IQCJ: variants seen among roughly 807,000 people sequenced by gnomAD.
IQCJ encodes the protein IQ motif containing J, also known as IQ domain-containing protein J.
In IQCJ, 9 loss-of-function variants were observed where a neutral mutation model predicts 11.0. The observed-to-expected ratio is 0.82, with a 90% CI of 0.49 to 1.43. The LOEUF (loss-of-function observed/expected upper bound fraction) is 1.43, where lower values mean the gene tolerates loss of function less well. IQCJ is among the 40% of genes most tolerant of loss of function. IQCJ has a pLI of 0.00. For missense variants in IQCJ, 146 were observed against 133.2 expected, an observed-to-expected ratio of 1.10 and a Z score of -0.47; for synonymous variants, 55 against 51.3, an observed-to-expected ratio of 1.07 and a Z score of -0.31.
At chr3:159,212,540 A>C (rs918007053) in intron 1 of IQCJ, among the ~76,000 whole-genome samples, 1 of 152,198 alleles carries the variant, frequency 6.6e-6, no homozygotes, top group East Asian at 1.9e-4. Flanking sequence ...CTTCCAGGCT[A>C]TCATGGGGCA....
At chr3:159,248,997 T>C (rs1727434653) in intron 2 of IQCJ, among the ~76,000 whole-genome samples, 1 of 151,916 alleles carries the variant, frequency 6.6e-6, no homozygotes, top group South Asian at 2.1e-4. Context: ...GCTGGGATTA[T>C]AGGTGCCTGC....
chr3:159,185,763 G>T (rs1210636534), intron 1 of IQCJ, among the ~76,000 whole-genome samples: 1 of 152,060 alleles, frequency 6.6e-6, no homozygotes, highest in Non-Finnish European at 1.5e-5. Flanking sequence ...CTTCATTTTT[G>T]TAGGCCTCTC....
intron 1 of IQCJ, among the ~76,000 whole-genome samples, chr3:159,158,706 T>C (rs779772398): frequency 6.6e-6 from 1 of 152,116 alleles, no homozygotes; most frequent in Admixed American, 6.5e-5. Context: ...AAAACCAGAG[T>C]AGAATTGGCA....
At chr3:159,208,521 C>T (rs1724779710) in intron 1 of IQCJ, among the ~76,000 whole-genome samples, 1 of 152,152 alleles carries the variant, frequency 6.6e-6, no homozygotes, top group African/African-American at 2.4e-5. Flanking sequence ...ATTTTTCAGC[C>T]CCTTTCCAGG....
chr3:159,085,104 T>A (rs1481723529), intron 1 of IQCJ, among the ~76,000 whole-genome samples: 4 of 151,830 alleles, frequency 2.6e-5, no homozygotes, highest in African/African-American at 9.7e-5. Flanking sequence ...AGTGTGATGT[T>A]CCCCTTCCTG....
intron 1 of IQCJ, among the ~76,000 whole-genome samples, chr3:159,165,788 A>ATTTTTTTTTT (rs35878681): frequency 3.8e-5 from 4 of 106,478 alleles, no homozygotes; most frequent in African/African-American, 1.1e-4. Flanking sequence ...TAATTTTTGT[A>ATTTTTTTTTT]TTTTTTTTTT....
intron 1 of IQCJ, among the ~76,000 whole-genome samples, chr3:159,143,851 G>A (rs1374325692): frequency 6.6e-6 from 1 of 152,134 alleles, no homozygotes; most frequent in Non-Finnish European, 1.5e-5. Flanking sequence ...TCATGGTTCT[G>A]GAGGCTACAA....
chr3:159,202,674 T>C (rs138782241), intron 1 of IQCJ, among the ~76,000 whole-genome samples: 345 of 152,312 alleles, frequency 2.3e-3, no homozygotes, highest in African/African-American at 7.9e-3. Context: ...TTTATGTATA[T>C]ATTTTTAGAG....
intron 1 of IQCJ, among the ~76,000 whole-genome samples, chr3:159,229,614 G>A (rs1438899832): frequency 2.7e-5 from 4 of 149,314 alleles, no homozygotes; most frequent in Non-Finnish European, 4.5e-5. Flanking sequence ...TCTTGCTTGT[G>A]GCCCTTTTTT....
chr3:159,155,832 A>C (rs1015140813), intron 1 of IQCJ, among the ~76,000 whole-genome samples: 4 of 152,218 alleles, frequency 2.6e-5, no homozygotes, highest in African/African-American at 9.6e-5. Context: ...GCAATCCTGG[A>C]CTTGTGGCTT....
At chr3:159,240,894 C>T (rs557184939) in intron 1 of IQCJ, among the ~76,000 whole-genome samples, 4 of 152,162 alleles carry the variant, frequency 2.6e-5, no homozygotes, top group East Asian at 1.9e-4. Flanking sequence ...CACCCGGCCC[C>T]GTCAGTGTTC....
chr3:159,084,061 C>G (rs1038017112), intron 1 of IQCJ, among the ~76,000 whole-genome samples: 1 of 151,860 alleles, frequency 6.6e-6, no homozygotes, highest in Non-Finnish European at 1.5e-5. Flanking sequence ...ATATACAGTG[C>G]GTGTAAAACT....
intron 3 of IQCJ, among the ~76,000 whole-genome samples, chr3:159,261,357 G>A (rs914756985): frequency 2.6e-5 from 4 of 152,106 alleles, no homozygotes; most frequent in African/African-American, 7.2e-5. Flanking sequence ...TATGAAAATC[G>A]AGATGTTAAT....
At chr3:159,127,572 C>G (rs1165727769) in intron 1 of IQCJ, among the ~76,000 whole-genome samples, 4 of 152,270 alleles carry the variant, frequency 2.6e-5, no homozygotes, top group Non-Finnish European at 4.4e-5. Context: ...ATATTATTCT[C>G]AAGATGCACA....
chr3:159,132,451 G>A (rs1365366350), intron 1 of IQCJ, among the ~76,000 whole-genome samples: 1 of 152,154 alleles, frequency 6.6e-6, no homozygotes, highest in African/African-American at 2.4e-5. Context: ...CATCTCCTCT[G>A]GTAATCACAA....
intron 1 of IQCJ, among the ~76,000 whole-genome samples, chr3:159,154,450 A>G (rs921342610): frequency 1.4e-4 from 22 of 152,182 alleles, no homozygotes; most frequent in Admixed American, 1.2e-3. Flanking sequence ...AAGATTCTTA[A>G]TTGTAATCAC....
intron 1 of IQCJ, among the ~76,000 whole-genome samples, chr3:159,113,706 G>A (rs775499735): frequency 1.3e-5 from 2 of 152,138 alleles, no homozygotes; most frequent in East Asian, 1.9e-4. Context: ...GGCAAGTGCC[G>A]AGGCAGAGTG....
chr3:159,257,015 C>T (rs1727934715), intron 3 of IQCJ, among the ~76,000 whole-genome samples: 1 of 152,178 alleles, frequency 6.6e-6, no homozygotes, highest in Non-Finnish European at 1.5e-5. Flanking sequence ...TCTAAAGCTA[C>T]AGCTCATGAG....
chr3:159,160,272 G>A (rs1316772320), intron 1 of IQCJ, among the ~76,000 whole-genome samples: 2 of 151,964 alleles, frequency 1.3e-5, no homozygotes, highest in Admixed American at 6.6e-5. Context: ...AATTTTTTGA[G>A]CACTTACCAC....
Sources: allele counts gnomAD v4.1 joint callset (sites outside exome capture counted in the v4.1 genomes callset), GRCh38; gene constraint gnomAD v4.1.1; transcripts MANE v1.5; gene names NCBI Gene and HGNC (gene_info 2026-07-23, HGNC 2026-07-21).